The following COL13A1 variants were observed in gnomAD, a reference collection of about 807,000 sequenced individuals.
COL13A1 encodes collagen alpha-1(XIII) chain.
In COL13A1, 89 loss-of-function variants were observed where a neutral mutation model predicts 130.9. The ratio of observed to expected loss-of-function variants is 0.68; its 90% CI spans 0.57 to 0.81. COL13A1 has a LOEUF of 0.81. Ranked by LOEUF, COL13A1 falls within the 30% of genes least tolerant of loss-of-function variation. The pLI, the probability that COL13A1 is intolerant of heterozygous loss-of-function variation, is 0.00. For synonymous variants in COL13A1, 402 were observed against 341.6 expected (o/e 1.18, Z -1.95); for missense variants, 879 against 934.6 (o/e 0.94, Z 0.78).
At chr10:69,892,296 G>A (rs764106178) in intron 10 of COL13A1, among the ~76,000 whole-genome samples, 36 of 152,156 alleles carry the variant, frequency 2.4e-4, no homozygotes, top group African/African-American at 5.1e-4. Context: ...CTCCACTGGC[G>A]TCCCACTGGG....
intron 39 of COL13A1, chr10:69,955,686 T>G (rs1205262838): frequency 1.3e-5 from 2 of 152,054 alleles, no homozygotes; most frequent in Non-Finnish European, 2.9e-5. Flanking sequence ...GGAATGCACC[T>G]CCTCCCCCTG....
intron 39 of COL13A1, among the ~76,000 whole-genome samples, chr10:69,953,339 A>G (rs1215138034): frequency 6.6e-6 from 1 of 152,184 alleles, no homozygotes; most frequent in African/African-American, 2.4e-5. Flanking sequence ...TCTTCGTTTC[A>G]TGGCCACCTC....
chr10:69,830,479 A>C (rs1298037891), intron 2 of COL13A1, among the ~76,000 whole-genome samples: 1 of 152,268 alleles, frequency 6.6e-6, no homozygotes, highest in Non-Finnish European at 1.5e-5. Context: ...GGAAAAAAGC[A>C]AACGACAAGA....
chr10:69,861,009 C>T (rs1276444078), intron 2 of COL13A1, among the ~76,000 whole-genome samples: 12 of 152,266 alleles, frequency 7.9e-5, no homozygotes, highest in East Asian at 3.9e-4. Flanking sequence ...GGAGAATGGA[C>T]GCAGAGGAGG....
At chr10:69,818,255 C>A (rs1448452695) in intron 1 of COL13A1, among the ~76,000 whole-genome samples, 1 of 152,214 alleles carries the variant, frequency 6.6e-6, no homozygotes, top group Non-Finnish European at 1.5e-5. Context: ...CTTCTTCCTC[C>A]CACATCTCTC....
chr10:69,955,726 T>C (rs938250200), intron 39 of COL13A1: 5 of 152,164 alleles, frequency 3.3e-5, no homozygotes, highest in African/African-American at 1.2e-4. Flanking sequence ...GAGGGGAAAA[T>C]GAAGGTCACC....
At position 69,874,286 on chromosome 10, in the gene COL13A1, T is replaced by C. The variant is rs573850975; in HGVS notation, c.400-842T>C. Among the ~76,000 whole-genome samples the C allele has an allele frequency of 1.1e-3, 173 of 152,284 alleles. 4 individuals carry two copies. The South Asian group carries it at 0.021, about 18-fold the overall frequency. ...CGCAGAGTCACCCGAGAAATGCCCATGCAGTCCCCTCCTGTCCAGCAGGCT... is the reference window on the plus strand; with the variant it reads ...CGCAGAGTCACCCGAGAAATGCCCACGCAGTCCCCTCCTGTCCAGCAGGCT... On this transcript the variant is annotated intron_variant, in intron 4 of 40. Transcript: ENST00000645393.
At chr10:69,918,016 T>G (rs1159057029) in intron 18 of COL13A1, among the ~76,000 whole-genome samples, 2 of 143,394 alleles carry the variant, frequency 1.4e-5, no homozygotes, top group African/African-American at 2.6e-5. Flanking sequence ...CCACTGTGCC[T>G]CCCAGGAGAG....
chr10:69,911,332 A>T (rs1483081929), intron 17 of COL13A1, among the ~76,000 whole-genome samples: 2 of 152,264 alleles, frequency 1.3e-5, no homozygotes, highest in Non-Finnish European at 2.9e-5. Flanking sequence ...GGCTTCTTCA[A>T]CAAGCCAGGC....
At chr10:69,924,435 G>C (rs898670424) in intron 24 of COL13A1, among the ~76,000 whole-genome samples, 1 of 151,824 alleles carries the variant, frequency 6.6e-6, no homozygotes, top group Admixed American at 6.6e-5. Context: ...CCTTCCACCC[G>C]CCCACTCTGG....
intron 7 of COL13A1, among the ~76,000 whole-genome samples, chr10:69,886,095 T>C (rs938451456): frequency 9.2e-5 from 14 of 152,176 alleles, no homozygotes; most frequent in Non-Finnish European, 1.5e-4. Context: ...AGAGAAATCT[T>C]CTGGAGAGGA....
At chr10:69,820,423 C>T (rs1052940989) in intron 1 of COL13A1, among the ~76,000 whole-genome samples, 2 of 152,220 alleles carry the variant, frequency 1.3e-5, no homozygotes, top group Non-Finnish European at 2.9e-5. Context: ...AGTCATTTAG[C>T]CGACCTGTGT....
rs1243186191 is a variant in COL13A1, at chr10:69,928,820, G to A, written c.1423-117G>A. On this transcript the variant is annotated intron_variant, in intron 27 of 40. Transcript: ENST00000645393. Reference sequence around the variant, plus strand: ...TGCAAAAAATGCATCTCTATCACTGGAGAAAGGTCTGTAAACAACTTATCT... The same window carrying A: ...TGCAAAAAATGCATCTCTATCACTGAAGAAAGGTCTGTAAACAACTTATCT... 1.2e-5 allele frequency: 8 copies of A among 653,318 alleles called. No individual in the cohort carries two copies. In the African/African-American group the frequency reaches 1.3e-4, roughly 11 times the overall value. The allele number at this position is 653,318 out of a possible 1,614,324, so 40.5% of individuals were successfully genotyped here. A position where few individuals can be genotyped will look rare whatever the true frequency, so the allele number is the denominator to read the frequency against.
chr10:69,958,645 A>C lies in COL13A1; in HGVS notation c.2185-54A>C, dbSNP rs368878498. 81 of 1,611,992 alleles carry C rather than the reference A, an allele frequency of 5.0e-5. No homozygotes were observed. In the African/African-American group the frequency reaches 1.0e-3, roughly 20 times the overall value. On this transcript the variant is annotated intron_variant, in intron 40 of 40. Coordinates refer to ENST00000645393, the MANE Select transcript of COL13A1 (RefSeq NM_001368882.1). ...ACCTCCCTTCCTACAAAGGAAATAA[A>C]CCTCTGCAGACCCACTGAAACTAAC... is the stretch of plus-strand genomic sequence containing the variant.
intron 1 of COL13A1, among the ~76,000 whole-genome samples, chr10:69,812,769 C>G (rs1369441998): frequency 6.6e-6 from 1 of 152,186 alleles, no homozygotes; most frequent in Non-Finnish European, 1.5e-5. Flanking sequence ...ACTTTTGCAC[C>G]AACCTACTCC....
chr10:69,803,051 A>T (rs1375567531), intron 1 of COL13A1, among the ~76,000 whole-genome samples: 1 of 152,014 alleles, frequency 6.6e-6, no homozygotes, highest in Non-Finnish European at 1.5e-5. Flanking sequence ...CCCTTTCGGG[A>T]CCCGGCCAGG....
chr10:69,831,628 T>C (rs558901027), intron 2 of COL13A1, among the ~76,000 whole-genome samples: 2 of 152,336 alleles, frequency 1.3e-5, no homozygotes, highest in Non-Finnish European at 2.9e-5. Context: ...AAGTTATGTA[T>C]GAAATTTTTC....
At chr10:69,943,504 C>T (rs961998598) in intron 35 of COL13A1, among the ~76,000 whole-genome samples, 1 of 152,204 alleles carries the variant, frequency 6.6e-6, no homozygotes, top group Non-Finnish European at 1.5e-5. Context: ...GCTAGCAGAG[C>T]TCATGACACG....
chr10:69,895,845 G>C (rs561611319), intron 13 of COL13A1, among the ~76,000 whole-genome samples: 1 of 152,260 alleles, frequency 6.6e-6, no homozygotes, highest in South Asian at 2.1e-4. Context: ...TTGTACGTAC[G>C]TCTGACTCGG....
Sources: gnomAD v4.1 joint callset for allele counts (sites outside exome capture counted in the v4.1 genomes callset) on GRCh38, gnomAD v4.1.1 for gene constraint, MANE v1.5 for transcripts, NCBI Gene and HGNC (gene_info 2026-07-23, HGNC 2026-07-21) for gene names.